The following USP30 variants were observed in gnomAD, a reference collection of about 807,000 sequenced individuals.
The protein encoded by USP30 is ubiquitin specific peptidase 30, also known as ubiquitin carboxyl-terminal hydrolase 30.
Under a neutral mutation model 68.2 loss-of-function variants are expected in USP30, and 41 were observed. The ratio of observed to expected loss-of-function variants is 0.60; its 90% CI spans 0.47 to 0.78. The LOEUF is 0.78. USP30 is among the 30% of genes least tolerant of loss of function. USP30 has a pLI of 0.00. For missense variants in USP30, 522 were observed against 649.4 expected (o/e 0.80, Z 2.13); for synonymous variants, 229 against 253.7 (o/e 0.90, Z 0.93).
In USP30 at chr12:109,057,956, A is replaced by G. The variant is rs1027252999; in HGVS notation, c.224A>G (p.Asn75Ser). The G allele has an allele frequency of 6.2e-7, 1 of 1,613,810 alleles. No individual in the cohort carries two copies. Among genetic ancestry groups the G allele is most frequent in the Non-Finnish European group, 8.5e-7 (1 of 1,179,864 alleles). ...GLVPGLVNLG[N>S]TCFMNSLLQG... ...GTGCCTGGCCTTGTTAATTTAGGGAACACCTGCTTCATGAACTCCCTGCTA... is the reference window on the plus strand; with the variant it reads ...GTGCCTGGCCTTGTTAATTTAGGGAGCACCTGCTTCATGAACTCCCTGCTA... The change falls in exon 3 of 13, where the codon AAC becomes AGC. Residue 75 changes from asparagine (N) to serine (S), a missense_variant. Transcript: ENST00000257548.
At chr12:109,077,825 T>C (rs10850840) in intron 7 of USP30, among the ~76,000 whole-genome samples, 4 of 151,004 alleles carry the variant, frequency 2.6e-5, no homozygotes, top group African/African-American at 4.9e-5. Flanking sequence ...GTGTTTGTGT[T>C]GGGGGGGGAG....
intron 3 of USP30, among the ~76,000 whole-genome samples, chr12:109,043,130 T>C (rs1319857437): frequency 6.6e-6 from 1 of 152,178 alleles, no homozygotes; most frequent in Non-Finnish European, 1.5e-5. Flanking sequence ...CCCAAGTCCA[T>C]GGATTGGAAG....
At chr12:109,051,769 CA>C (rs558343306), upstream of USP30, among the ~76,000 whole-genome samples, 34 of 152,108 alleles carry the variant, frequency 2.2e-4, no homozygotes, top group East Asian at 4.8e-3. Context: ...GGGGTTTCAC[CA>C]TGTTGGCCAA....
intron 3 of USP30, among the ~76,000 whole-genome samples, chr12:109,063,234 G>A (rs1402715680): frequency 6.6e-6 from 1 of 152,044 alleles, no homozygotes; most frequent in Non-Finnish European, 1.5e-5. Flanking sequence ...CGAGTAGCTG[G>A]GATGACAGGC....
At chr12:109,048,600 C>T (rs1310033016), upstream of USP30, among the ~76,000 whole-genome samples, 3 of 151,728 alleles carry the variant, frequency 2.0e-5, no homozygotes, top group East Asian at 3.9e-4. Context: ...ATTAGCCAGG[C>T]GTGGTGGCAC....
chr12:109,046,083 G>A (rs1593226690), intron 3 of USP30, among the ~76,000 whole-genome samples: 2 of 149,564 alleles, frequency 1.3e-5, no homozygotes, highest in Middle Eastern at 3.4e-3. Flanking sequence ...TTGCTTGGGG[G>A]AAGTCAGTCT....
intron 4 of USP30, among the ~76,000 whole-genome samples, chr12:109,069,881 G>A (rs1356044125): frequency 1.3e-5 from 2 of 152,102 alleles, no homozygotes; most frequent in East Asian, 3.9e-4. Context: ...TGGACACCTG[G>A]GTACAGAGCA....
intron 1 of USP30, among the ~76,000 whole-genome samples, chr12:109,055,400 A>ATATATATATTTTTTTTTTT (rs1298811530): frequency 8.2e-5 from 2 of 24,468 alleles, no homozygotes; most frequent in African/African-American, 2.2e-4. Flanking sequence ...ATATATATAT[A>ATATATATATTTTTTTTTTT]TTTTTTTTTT....
At chr12:109,031,391 C>T (rs992875233) in intron 3 of USP30, among the ~76,000 whole-genome samples, 1 of 152,188 alleles carries the variant, frequency 6.6e-6, no homozygotes, top group African/African-American at 2.4e-5. Flanking sequence ...TCTTCACTTC[C>T]AATTCAGCTG....
At chr12:109,041,907 T>A (rs2135673221) in intron 3 of USP30, among the ~76,000 whole-genome samples, 1 of 152,190 alleles carries the variant, frequency 6.6e-6, no homozygotes, top group Non-Finnish European at 1.5e-5. Context: ...ATTGTGACAA[T>A]TCAGAATGAC....
In USP30 at chr12:109,086,634, T is replaced by C. The variant is rs2041954337; in HGVS notation, c.*703T>C. The C allele has an allele frequency of 1.3e-5, 2 of 152,352 alleles. No homozygotes were observed. Among genetic ancestry groups the C allele is most frequent in the African/African-American group, 4.8e-5 (2 of 41,460 alleles). 9.4% of individuals were successfully genotyped at this position (152,352 alleles called of 1,614,324 possible). On this transcript the variant is annotated 3_prime_UTR_variant, in exon 13 of 13. Transcript: ENST00000257548. ...ACTTGTTGCTTTTATCTTTTGTATA[T>C]TGGACTGAGATGTAATTACACTGTA...
chr12:109,082,686 C>T lies in USP30; in HGVS notation c.891C>T (p.Asn297=), dbSNP rs745911042. The T allele has an allele frequency of 4.6e-5, 74 of 1,613,962 alleles. No homozygotes were observed. The highest frequency in any genetic ancestry group is 5.8e-5 in the Non-Finnish European group (68 of 1,180,022). ...AGATTGAAGCCAAGGGAACGTTGAA[C>T]GGGGAAAAGGTGGAACACCAGAGGA... ...CTKIEAKGTL[N]GEKVEHQRTT... Residue 297 remains asparagine (N), a synonymous_variant, in exon 10 of 13, where the codon AAC becomes AAT. Coordinates refer to ENST00000257548, the MANE Select transcript of USP30 (RefSeq NM_032663.5).
chr12:109,075,388 G>A (rs2041567531), intron 7 of USP30, among the ~76,000 whole-genome samples: 1 of 151,874 alleles, frequency 6.6e-6, no homozygotes, highest in Non-Finnish European at 1.5e-5. Context: ...TCGCTCTGCT[G>A]CACCCAAACT....
At chr12:109,055,710 T>C (rs1211928557) in intron 1 of USP30, among the ~76,000 whole-genome samples, 3 of 150,378 alleles carry the variant, frequency 2.0e-5, no homozygotes, top group African/African-American at 7.3e-5. Context: ...ATAAATATTA[T>C]TGAGAACCTA....
chr12:109,024,590 G>A (rs1398177604), intron 1 of USP30, among the ~76,000 whole-genome samples: 1 of 151,474 alleles, frequency 6.6e-6, no homozygotes, highest in Non-Finnish European at 1.5e-5. Context: ...AACTTGGTGG[G>A]TTTAAGGAAT....
upstream of USP30, chr12:109,052,375 T>G: frequency 3.7e-6 from 1 of 267,722 alleles, no homozygotes; most frequent in Non-Finnish European, 7.0e-6. Flanking sequence ...GCCATCTGTA[T>G]TTATGAATGG....
intron 7 of USP30, among the ~76,000 whole-genome samples, chr12:109,075,271 C>G (rs758953557): frequency 6.6e-6 from 1 of 152,206 alleles, no homozygotes; most frequent in Non-Finnish European, 1.5e-5. Flanking sequence ...GAGGAACCTT[C>G]ATACTGTTTT....
chr12:109,079,351 CTTTT>C (rs71079521), intron 7 of USP30, among the ~76,000 whole-genome samples: 3 of 48,798 alleles, frequency 6.1e-5, no homozygotes, highest in Non-Finnish European at 7.3e-5. Flanking sequence ...TTTTTTTTTT[CTTTT>C]TTTTTTTTTT....
intron 3 of USP30, among the ~76,000 whole-genome samples, chr12:109,030,534 A>T (rs1327665372): frequency 6.6e-6 from 1 of 152,210 alleles, no homozygotes; most frequent in Non-Finnish European, 1.5e-5. Flanking sequence ...CATGGTGACT[A>T]TAGGTAACGA....
Sources: allele counts gnomAD v4.1 joint callset (sites outside exome capture counted in the v4.1 genomes callset), GRCh38; gene constraint gnomAD v4.1.1; transcripts MANE v1.5; gene names NCBI Gene and HGNC (gene_info 2026-07-23, HGNC 2026-07-21).